Variants in MACROD1 observed in about 807,000 individuals in gnomAD.
MACROD1 encodes the protein ADP-ribose glycohydrolase MACROD1.
A neutral mutation model predicts 41.4 loss-of-function variants in MACROD1; 31 were observed. The ratio of observed to expected loss-of-function variants is 0.75; its 90% CI spans 0.56 to 1.01. The LOEUF is 1.01. MACROD1 is among the 50% of genes least tolerant of loss of function. The pLI is 0.00. For missense variants in MACROD1, 473 were observed against 460.0 expected, an observed-to-expected ratio of 1.03 and a Z score of -0.26; for synonymous variants, 252 against 203.4, an observed-to-expected ratio of 1.24 and a Z score of -2.03.
intron 3 of MACROD1, among the ~76,000 whole-genome samples, chr11:64,115,926 G>A (rs1944970068): frequency 1.3e-5 from 2 of 152,196 alleles, no homozygotes; most frequent in Admixed American, 1.3e-4. Context: ...CTGAGGCTCC[G>A]GATCACATTC....
At chr11:64,028,501 CAGG>C (rs1385790168) in intron 3 of MACROD1, among the ~76,000 whole-genome samples, 5 of 152,234 alleles carry the variant, frequency 3.3e-5, no homozygotes, top group African/African-American at 7.2e-5. Context: ...GAGCAGGAGG[CAGG>C]AGGAGGTCAG....
chr11:64,025,710 C>T (rs4980519), intron 3 of MACROD1, among the ~76,000 whole-genome samples: 12 of 124,716 alleles, frequency 9.6e-5, no homozygotes, highest in African/African-American at 2.2e-4. Context: ...TCTCATGGGC[C>T]CCCCCCGCTC....
At chr11:64,129,580 G>C (rs1336027767) in intron 3 of MACROD1, among the ~76,000 whole-genome samples, 1 of 152,318 alleles carries the variant, frequency 6.6e-6, no homozygotes, top group Non-Finnish European at 1.5e-5. Context: ...GTGCTGAGCT[G>C]GTTGGCACTT....
At chr11:64,111,888 G>A (rs1323081393) in intron 3 of MACROD1, among the ~76,000 whole-genome samples, 1 of 152,186 alleles carries the variant, frequency 6.6e-6, no homozygotes, top group Non-Finnish European at 1.5e-5. Context: ...GCTCACAGGA[G>A]AGTGGGCATC....
At chr11:64,059,990 A>C (rs1943866974) in intron 3 of MACROD1, among the ~76,000 whole-genome samples, 1 of 152,142 alleles carries the variant, frequency 6.6e-6, no homozygotes, top group Non-Finnish European at 1.5e-5. Flanking sequence ...AGGGCCGGGA[A>C]GGGCGGTGCG....
intron 4 of MACROD1, 57 bp from the exon 5 acceptor site, chr11:64,000,400 A>C: frequency 8.5e-7 from 1 of 1,173,446 alleles, no homozygotes; most frequent in South Asian, 1.6e-5. Context: ...CCCCGGGGTG[A>C]GCACCCTCAG....
chr11:64,109,692 G>A (rs767971722), intron 3 of MACROD1, among the ~76,000 whole-genome samples: 3 of 152,130 alleles, frequency 2.0e-5, no homozygotes, highest in Non-Finnish European at 2.9e-5. Flanking sequence ...AGGCTGGTGC[G>A]GCCCCACAGG....
At chr11:64,049,039 TAGGC>T (rs1943640750) in intron 3 of MACROD1, among the ~76,000 whole-genome samples, 1 of 122,496 alleles carries the variant, frequency 8.2e-6, no homozygotes, top group Admixed American at 7.4e-5. Context: ...GTGTGGGTGA[TAGGC>T]AGATCACATA....
intron 3 of MACROD1, among the ~76,000 whole-genome samples, chr11:64,041,199 T>TAAAAAAAAAAAAAAAAAAAAAAAAA (rs71045724): frequency 4.6e-5 from 1 of 21,600 alleles, no homozygotes; most frequent in African/African-American, 1.6e-4. Flanking sequence ...TAGCAAACTG[T>TAAAAAAAAAAAAAAAAAAAAAAAAA]AAAAAAAAAA....
At chr11:64,080,894 G>A (rs115334721) in intron 3 of MACROD1, among the ~76,000 whole-genome samples, 60 of 152,316 alleles carry the variant, frequency 3.9e-4, no homozygotes, top group Non-Finnish European at 6.8e-4. Context: ...CTGAGGACTC[G>A]GGCTGCAGGC....
chr11:64,048,723 T>A (rs781280265), intron 3 of MACROD1, among the ~76,000 whole-genome samples: 1 of 152,162 alleles, frequency 6.6e-6, no homozygotes, highest in Non-Finnish European at 1.5e-5. Flanking sequence ...AAACCAAGGC[T>A]CTGCAGGGTT....
At chr11:64,014,808 C>G (rs945909810) in intron 4 of MACROD1, among the ~76,000 whole-genome samples, 2 of 152,238 alleles carry the variant, frequency 1.3e-5, no homozygotes, top group Non-Finnish European at 2.9e-5. Flanking sequence ...ACAGAGACAT[C>G]CCAGGGCTGA....
chr11:64,036,400 G>C lies in MACROD1; in HGVS notation c.518-21119C>G, dbSNP rs915891603. On this transcript the variant is annotated intron_variant, in intron 3 of 10. Transcript: ENST00000255681. This position sits in a 1 kb window ranked among gnomAD's most constrained non-coding sequence, Gnocchi z 5.6. ...CTGGCCCCGCCGCGGGGAGGCGCGG[G>C]GTGCGCGGCCGGCGGCTCAGCTCTC... Among the ~76,000 whole-genome samples, 1 of 152,134 alleles carries C rather than the reference G, an allele frequency of 6.6e-6. No homozygotes were observed. Among genetic ancestry groups the C allele is most frequent in the Non-Finnish European group, 1.5e-5 (1 of 67,998 alleles).
Position 64,067,425 on chromosome 11 carries a change from A to T in MACROD1, c.518-52144T>A, listed in dbSNP as rs1034635444. Among the ~76,000 whole-genome samples the T allele has an allele frequency of 3.9e-5, 6 of 152,104 alleles. No homozygotes were observed. The highest frequency in any genetic ancestry group is 1.9e-4 in the East Asian group (1 of 5,160). On this transcript the variant is annotated intron_variant, in intron 3 of 10. Coordinates refer to ENST00000255681, the MANE Select transcript of MACROD1 (RefSeq NM_014067.4). This position sits in a 1 kb window ranked among gnomAD's most constrained non-coding sequence, Gnocchi z 4.6. ...ACCTGAGCCTTTCAGCTCACAAATC[A>T]TGCCCCCGGCCCAGGTGACAGCCAG...
intron 1 of MACROD1, among the ~76,000 whole-genome samples, chr11:64,153,617 G>A (rs1945619062): frequency 6.6e-6 from 1 of 152,166 alleles, no homozygotes; most frequent in Admixed American, 6.5e-5. Flanking sequence ...ACCCAAGGAT[G>A]CTGAGAGCAT....
intron 3 of MACROD1, among the ~76,000 whole-genome samples, chr11:64,072,312 G>C (rs1033084071): frequency 6.6e-6 from 1 of 152,216 alleles, no homozygotes; most frequent in Non-Finnish European, 1.5e-5. Context: ...GTAGCAGCCT[G>C]TGGCTGCACC....
intron 3 of MACROD1, among the ~76,000 whole-genome samples, chr11:64,046,753 C>T (rs1207975108): frequency 6.6e-6 from 1 of 152,164 alleles, no homozygotes; most frequent in East Asian, 1.9e-4. Context: ...CCTGCCTCAA[C>T]GTCCCAAAGT....
At chr11:64,017,147 T>G (rs1943092996) in intron 3 of MACROD1, among the ~76,000 whole-genome samples, 2 of 152,242 alleles carry the variant, frequency 1.3e-5, no homozygotes, top group South Asian at 4.1e-4. Context: ...TTTTTTGTAT[T>G]TTTGGTAGAG....
At chr11:64,164,670 C>A (rs530186601) in intron 1 of MACROD1, among the ~76,000 whole-genome samples, 3 of 152,238 alleles carry the variant, frequency 2.0e-5, no homozygotes, top group Non-Finnish European at 4.4e-5. Context: ...CACCTCTGGT[C>A]CCGAGAAAGC....
Sources: allele counts gnomAD v4.1 joint callset (sites outside exome capture counted in the v4.1 genomes callset), GRCh38; gene constraint gnomAD v4.1.1; non-coding constraint Gnocchi (gnomAD v3.1); transcripts MANE v1.5; gene names NCBI Gene and HGNC (gene_info 2026-07-23, HGNC 2026-07-21).